FAM53B: variants seen among roughly 807,000 people sequenced by gnomAD.
The protein encoded by FAM53B is family with sequence similarity 53 member B.
FAM53B carries 12 observed loss-of-function variants against 32.7 expected under a neutral mutation model. The observed-to-expected ratio is 0.37, with a 90% CI of 0.24 to 0.59. FAM53B has a LOEUF of 0.59. Ranked by LOEUF, FAM53B falls within the 20% of genes least tolerant of loss-of-function variation. The pLI, the probability that FAM53B is intolerant of heterozygous loss-of-function variation, is 0.72. For missense variants in FAM53B, 477 were observed against 577.7 expected, an observed-to-expected ratio of 0.83 and a Z score of 1.79; for synonymous variants, 234 against 228.7, an observed-to-expected ratio of 1.02 and a Z score of -0.21.
At chr10:124,636,873 C>A (rs776231125) in intron 4 of FAM53B, among the ~76,000 whole-genome samples, 2 of 151,802 alleles carry the variant, frequency 1.3e-5, no homozygotes, top group Non-Finnish European at 2.9e-5. Context: ...CGTGTTTTCA[C>A]ACCCACCAAG....
At chr10:124,644,054 AG>A (rs5788677) in intron 4 of FAM53B, among the ~76,000 whole-genome samples, 142,845 of 152,208 alleles carry the variant, frequency 0.94, 67,638 homozygotes, top group Non-Finnish European at 1. Flanking sequence ...GATGTGACTC[AG>A]GGTAAATTCA....
At chr10:124,650,426 T>TA (rs1949548794) in intron 4 of FAM53B, among the ~76,000 whole-genome samples, 1 of 152,196 alleles carries the variant, frequency 6.6e-6, no homozygotes, top group African/African-American at 2.4e-5. Flanking sequence ...ACGCTGAAAG[T>TA]AACGGTGGTT....
At chr10:124,743,540 C>A (rs1358548847) in intron 1 of FAM53B, among the ~76,000 whole-genome samples, 1 of 152,200 alleles carries the variant, frequency 6.6e-6, no homozygotes, top group Non-Finnish European at 1.5e-5. Flanking sequence ...CAAACTTCCG[C>A]GAACAAAAGA....
Position 124,651,501 on chromosome 10 carries a change from T to C in FAM53B, c.907-27897A>G, listed in dbSNP as rs1228615587. ...CCCCTCACTGCTGAACTGCAGGCAC[T>C]GTAGCAGGGAGCCCAGCCGCTGGAC... On this transcript the variant is annotated intron_variant, in intron 4 of 4. Coordinates refer to ENST00000337318, the MANE Select transcript of FAM53B (RefSeq NM_014661.4). The surrounding 1 kb of genome is among the most constrained non-coding windows in gnomAD (Gnocchi z 5.2). Among the ~76,000 whole-genome samples the C allele has an allele frequency of 6.6e-6, 1 of 152,196 alleles. No individual in the cohort carries two copies. Among genetic ancestry groups the C allele is most frequent in the Non-Finnish European group, 1.5e-5 (1 of 68,024 alleles).
intron 1 of FAM53B, among the ~76,000 whole-genome samples, chr10:124,711,042 A>C (rs1266809946): frequency 6.6e-6 from 1 of 152,232 alleles, no homozygotes; most frequent in Non-Finnish European, 1.5e-5. Context: ...CATAACAGCC[A>C]AAACCAGGAA....
chr10:124,670,190 G>A lies in FAM53B; in HGVS notation c.906+11417C>T, dbSNP rs576231634. Among the ~76,000 whole-genome samples the A allele has an allele frequency of 7.8e-4, 107 of 137,664 alleles. 3 individuals carry two copies. In the South Asian group the frequency reaches 0.027, roughly 35 times the overall value. 90.3% of individuals were successfully genotyped at this position (137,664 alleles called of 152,430 possible). ...ATCACCATGAGAGGCACTTGCAGAG[G>A]TGCCTGACTAACTTCCTCTGAGCCT... is the stretch of plus-strand genomic sequence containing the variant. On this transcript the variant is annotated intron_variant, in intron 4 of 4. Transcript: ENST00000337318.
chr10:124,671,354 G>C (rs142980528), intron 4 of FAM53B, among the ~76,000 whole-genome samples: 2 of 152,234 alleles, frequency 1.3e-5, no homozygotes, highest in East Asian at 3.8e-4. Context: ...CTCTGCCCTG[G>C]GGTCCCCTAG....
At chr10:124,668,921 A>T (rs745754450) in intron 4 of FAM53B, among the ~76,000 whole-genome samples, 10 of 152,344 alleles carry the variant, frequency 6.6e-5, no homozygotes, top group Non-Finnish European at 1.2e-4. Context: ...CCAAGGCCTG[A>T]TGTGCCAAAG....
At chr10:124,695,133 G>C (rs549970375) in intron 3 of FAM53B, among the ~76,000 whole-genome samples, 1 of 152,314 alleles carries the variant, frequency 6.6e-6, no homozygotes, top group South Asian at 2.1e-4. Context: ...GACCGAGAAG[G>C]AAAGGCAAGG....
intron 4 of FAM53B, chr10:124,667,163 A>T (rs1317442580): frequency 1.1e-5 from 6 of 526,812 alleles, no homozygotes; most frequent in Non-Finnish European, 2.0e-5. Flanking sequence ...TGGATCTCTG[A>T]AACCAGTAAG....
At chr10:124,629,616 A>G (rs2134037364) in intron 4 of FAM53B, among the ~76,000 whole-genome samples, 1 of 152,330 alleles carries the variant, frequency 6.6e-6, no homozygotes, top group South Asian at 2.1e-4. Flanking sequence ...AGACGCTTGC[A>G]TGAGAACAGA....
intron 4 of FAM53B, among the ~76,000 whole-genome samples, chr10:124,627,283 G>A (rs1949361946): frequency 6.6e-6 from 1 of 152,148 alleles, no homozygotes; most frequent in South Asian, 2.1e-4. Context: ...CAGCTGCCCT[G>A]TGCCCTCCAT....
At chr10:124,679,910 C>T (rs1195187172) in intron 4 of FAM53B, among the ~76,000 whole-genome samples, 1 of 152,208 alleles carries the variant, frequency 6.6e-6, no homozygotes, top group African/African-American at 2.4e-5. Context: ...AATATAATAA[C>T]ATGCATGTTG....
chr10:124,660,379 G>C (rs1564870525), intron 4 of FAM53B, among the ~76,000 whole-genome samples: 1 of 152,362 alleles, frequency 6.6e-6, no homozygotes, highest in East Asian at 1.9e-4. Context: ...ACGTCCAGAG[G>C]AATGCCCCAG....
At chr10:124,719,158 G>A (rs1342277080) in intron 1 of FAM53B, among the ~76,000 whole-genome samples, 2 of 152,146 alleles carry the variant, frequency 1.3e-5, no homozygotes, top group Non-Finnish European at 2.9e-5. Flanking sequence ...AACTGGCCAC[G>A]GAATTAATCT....
At chr10:124,659,742 A>G (rs975433143) in intron 4 of FAM53B, among the ~76,000 whole-genome samples, 1 of 152,208 alleles carries the variant, frequency 6.6e-6, no homozygotes, top group Non-Finnish European at 1.5e-5. Flanking sequence ...CTGGCTGTCC[A>G]CCTAAGGGGC....
At chr10:124,726,914 C>G (rs1241521598) in intron 1 of FAM53B, among the ~76,000 whole-genome samples, 1 of 152,240 alleles carries the variant, frequency 6.6e-6, no homozygotes, top group Non-Finnish European at 1.5e-5. Flanking sequence ...ACTTGGTACA[C>G]AGCAGCTAGG....
chr10:124,643,400 G>C (rs935518283), intron 4 of FAM53B, among the ~76,000 whole-genome samples: 3 of 152,262 alleles, frequency 2.0e-5, no homozygotes. Flanking sequence ...AAATTTCCCA[G>C]GGTTTCTCGG....
At chr10:124,729,349 T>C (rs1950126799) in intron 1 of FAM53B, among the ~76,000 whole-genome samples, 1 of 152,180 alleles carries the variant, frequency 6.6e-6, no homozygotes, top group Non-Finnish European at 1.5e-5. Context: ...GGACACGTAA[T>C]CAAGGCTGGC....
Sources: gnomAD v4.1 joint callset for allele counts (sites outside exome capture counted in the v4.1 genomes callset) on GRCh38, gnomAD v4.1.1 for gene constraint, Gnocchi (gnomAD v3.1) non-coding constraint, MANE v1.5 for transcripts, NCBI Gene and HGNC (gene_info 2026-07-23, HGNC 2026-07-21) for gene names.